Variants in EYS observed in about 807,000 individuals in gnomAD.
The protein encoded by EYS is EGF-like photoreceptor maintenance factor, also known as protein eyes shut homolog.
A neutral mutation model predicts 282.1 loss-of-function variants in EYS; 250 were observed. That is an observed-to-expected ratio of 0.89 (90% CI 0.80 to 0.98). EYS has a LOEUF of 0.98. EYS is among the 50% of genes least tolerant of loss of function. The probability of loss-of-function intolerance (pLI) is 0.00; values close to 1 mark genes in which losing one functional copy is unlikely to be tolerated. For missense variants in EYS, 4,016 were observed against 3,709.0 expected, an observed-to-expected ratio of 1.08 and a Z score of -2.15; for synonymous variants, 1,355 against 1,282.9, an observed-to-expected ratio of 1.06 and a Z score of -1.20.
At chr6:64,130,179 A>G (rs1288799613) in intron 31 of EYS, among the ~76,000 whole-genome samples, 3 of 152,218 alleles carry the variant, frequency 2.0e-5, no homozygotes, top group Non-Finnish European at 2.9e-5. Context: ...ACACATGCAC[A>G]TGTATGTTTA....
At chr6:64,542,793 T>A (rs908495334) in intron 26 of EYS, among the ~76,000 whole-genome samples, 1 of 152,108 alleles carries the variant, frequency 6.6e-6, no homozygotes, top group African/African-American at 2.4e-5. Flanking sequence ...CATCTATATT[T>A]TTAAGGAGGC....
intron 16 of EYS, among the ~76,000 whole-genome samples, chr6:64,909,740 A>C (rs1018913855): frequency 1.3e-5 from 2 of 151,820 alleles, no homozygotes; most frequent in African/African-American, 4.8e-5. Context: ...ACTTTGCTAA[A>C]AGGATTAGAT....
chr6:64,484,194 C>T (rs1776518051), intron 26 of EYS, among the ~76,000 whole-genome samples: 1 of 151,482 alleles, frequency 6.6e-6, no homozygotes, highest in Non-Finnish European at 1.5e-5. Flanking sequence ...GGCATGAAGG[C>T]CTTACCTACT....
intron 22 of EYS, among the ~76,000 whole-genome samples, chr6:64,649,258 T>C (rs1262103736): frequency 6.6e-6 from 1 of 152,194 alleles, no homozygotes; most frequent in Non-Finnish European, 1.5e-5. Context: ...AATTTTGAAT[T>C]ATAAGCATAT....
At chr6:64,230,949 G>A in intron 30 of EYS, 125 bp from the exon 31 acceptor site, 2 of 524,696 alleles carry the variant, frequency 3.8e-6, no homozygotes, top group Non-Finnish European at 6.8e-6. Context: ...AGGTTTAACT[G>A]AGGACAAATA....
intron 31 of EYS, among the ~76,000 whole-genome samples, chr6:64,176,655 GA>G (rs891599494): frequency 8.6e-5 from 13 of 151,476 alleles, no homozygotes; most frequent in South Asian, 2.1e-4. Flanking sequence ...TTTTACCATG[GA>G]AAAAAAACTT....
chr6:64,042,512 G>A (rs1479210741), intron 33 of EYS, among the ~76,000 whole-genome samples: 1 of 152,164 alleles, frequency 6.6e-6, no homozygotes, highest in African/African-American at 2.4e-5. Flanking sequence ...TCTCCACTGT[G>A]TTCGGAAGAC....
chr6:64,439,206 C>A lies in EYS; in HGVS notation c.5791G>T (p.Asp1931Tyr). 6.8e-7 allele frequency: 1 copy of A among 1,474,624 alleles called. No individual in the cohort carries two copies. The highest frequency in any genetic ancestry group is 9.0e-7 in the Non-Finnish European group (1 of 1,113,298). 91.3% of individuals were successfully genotyped at this position (1,474,624 alleles called of 1,614,324 possible). Residue 1931 changes from aspartate to tyrosine, a missense_variant, in exon 27 of 43, where the codon GAT becomes TAT. Transcript: ENST00000503581. ...LYVKQDSNLV[D>Y]GFFIQLFIEN... is the part of the protein sequence containing the mutation. Reference sequence around the variant, plus strand: ...ATAAACAATTGAATAAAAAATCCATCTACTAAATTTGAGTCTTGCTTGACA... The same window carrying A: ...ATAAACAATTGAATAAAAAATCCATATACTAAATTTGAGTCTTGCTTGACA...
intron 19 of EYS, among the ~76,000 whole-genome samples, chr6:64,855,444 CT>C (rs902509314): frequency 6.6e-6 from 1 of 151,796 alleles, no homozygotes; most frequent in African/African-American, 2.4e-5. Flanking sequence ...TTTTTCATCT[CT>C]GATATTGTTA....
intron 31 of EYS, among the ~76,000 whole-genome samples, chr6:64,086,958 T>A (rs942674319): frequency 9.9e-5 from 15 of 152,118 alleles, no homozygotes; most frequent in African/African-American, 3.1e-4. Flanking sequence ...CAACTTTTAA[T>A]GATAGAAGAA....
intron 1 of EYS, among the ~76,000 whole-genome samples, chr6:65,703,383 T>C (rs991377181): frequency 6.6e-6 from 1 of 152,152 alleles, no homozygotes; most frequent in Non-Finnish European, 1.5e-5. Flanking sequence ...TCTTTTTTTA[T>C]AAATTTAACT....
chr6:65,384,126 G>C (rs970993002), intron 8 of EYS, among the ~76,000 whole-genome samples: 1 of 151,724 alleles, frequency 6.6e-6, no homozygotes, highest in Non-Finnish European at 1.5e-5. Flanking sequence ...TATATACTAA[G>C]AAGTATATCA....
At chr6:65,107,960 A>G (rs554011179) in intron 12 of EYS, among the ~76,000 whole-genome samples, 23 of 152,272 alleles carry the variant, frequency 1.5e-4, no homozygotes, top group Non-Finnish European at 2.4e-4. Flanking sequence ...TATCACACAT[A>G]CAATCATTAT....
chr6:63,721,945 TCA>T (rs1768415070), intron 42 of EYS, 148 bp from the exon 43 acceptor site: 3 of 714,934 alleles, frequency 4.2e-6, no homozygotes, highest in African/African-American at 1.8e-5. Flanking sequence ...TTGTTTCCAC[TCA>T]CAGAGCAAAA....
At chr6:64,630,779 T>A (rs1314130159) in intron 22 of EYS, among the ~76,000 whole-genome samples, 1 of 152,222 alleles carries the variant, frequency 6.6e-6, no homozygotes, top group Non-Finnish European at 1.5e-5. Flanking sequence ...TTTACATTCT[T>A]AGCTTGAATG....
intron 19 of EYS, among the ~76,000 whole-genome samples, chr6:64,833,213 C>T (rs1583205042): frequency 6.6e-6 from 1 of 151,960 alleles, no homozygotes; most frequent in East Asian, 1.9e-4. Flanking sequence ...TAGGACTACA[C>T]TGAATAGGAT....
chr6:64,449,818 T>C (rs1775257394), intron 26 of EYS, among the ~76,000 whole-genome samples: 1 of 152,156 alleles, frequency 6.6e-6, no homozygotes, highest in African/African-American at 2.4e-5. Flanking sequence ...AGGGATTTTG[T>C]CACCACCAGA....
chr6:65,029,384 C>T (rs1289306747), intron 13 of EYS, among the ~76,000 whole-genome samples: 11 of 151,926 alleles, frequency 7.2e-5, no homozygotes, highest in Non-Finnish European at 1.2e-4. Context: ...TATGCAGATA[C>T]GTACTTTGTA....
intron 22 of EYS, among the ~76,000 whole-genome samples, chr6:64,779,394 G>C (rs1344770710): frequency 5.3e-5 from 8 of 152,016 alleles, no homozygotes; most frequent in Admixed American, 4.6e-4. Flanking sequence ...AATCTGAAAA[G>C]TCTATATACT....
Sources: allele counts gnomAD v4.1 joint callset (sites outside exome capture counted in the v4.1 genomes callset), GRCh38; gene constraint gnomAD v4.1.1; transcripts MANE v1.5; gene names NCBI Gene and HGNC (gene_info 2026-07-23, HGNC 2026-07-21).